The following FUT8 variants were observed in gnomAD, a reference collection of about 807,000 sequenced individuals.
FUT8 encodes the protein fucosyltransferase 8.
A neutral mutation model predicts 71.3 loss-of-function variants in FUT8; 29 were observed. That is an observed-to-expected ratio of 0.41 (90% CI 0.30 to 0.55). The LOEUF (loss-of-function observed/expected upper bound fraction) is 0.55. Among genes scored for constraint, FUT8 ranks in the 20% least tolerant of loss-of-function variants. The pLI is 0.34. For synonymous variants in FUT8, 254 were observed against 239.3 expected, an observed-to-expected ratio of 1.06 and a Z score of -0.57; for missense variants, 544 against 702.1, an observed-to-expected ratio of 0.77 and a Z score of 2.55.
the FUT8 span, among the ~76,000 whole-genome samples, chr14:65,394,645 G>A: frequency 2.0e-5 from 3 of 151,982 alleles, no homozygotes; most frequent in African/African-American, 7.3e-5. Context: ...GATACAATAA[G>A]TTACAGGCAT....
At chr14:65,672,391 A>C (rs976342628) in intron 7 of FUT8, among the ~76,000 whole-genome samples, 4 of 152,210 alleles carry the variant, frequency 2.6e-5, no homozygotes, top group Non-Finnish European at 4.4e-5. Context: ...TGCTTGTGAT[A>C]ATTCAAAATG....
chr14:65,604,014 C>G (rs61987993), intron 3 of FUT8, among the ~76,000 whole-genome samples: 102,674 of 150,336 alleles, frequency 0.68, 35,493 homozygotes, highest in East Asian at 0.82. Flanking sequence ...AGGCCTTGTC[C>G]AACAAGGCCT....
chr14:65,667,276 A>G (rs189457198), intron 6 of FUT8, among the ~76,000 whole-genome samples: 7 of 152,224 alleles, frequency 4.6e-5, no homozygotes, highest in Admixed American at 3.9e-4. Context: ...AGAAAATCCC[A>G]TATTCCCTAC....
Position 65,742,124 on chromosome 14 carries a change from C to T in FUT8, c.1442C>T (p.Thr481Ile). The T allele has an allele frequency of 6.2e-7, 1 of 1,612,814 alleles. No homozygotes were observed. ...VCRVAYEIMQ[T>I]LHPDASANFH... ...CGAGTTGCTTATGAAATTATGCAAACACTACATCCTGATGCCTCTGCAAAC... is the reference window on the plus strand; with the variant it reads ...CGAGTTGCTTATGAAATTATGCAAATACTACATCCTGATGCCTCTGCAAAC... Residue 481 changes from threonine (T) to isoleucine (I), a missense_variant, in exon 11 of 11, where the codon ACA (threonine) becomes ATA (isoleucine). By Grantham distance (89) the Thr-to-Ile change is moderately conservative (BLOSUM62 -1). Coordinates refer to ENST00000673929, the MANE Select transcript of FUT8 (RefSeq NM_001371533.1).
intron 6 of FUT8, among the ~76,000 whole-genome samples, chr14:65,648,325 CTATTCCTTT>C (rs1891209251): frequency 6.6e-6 from 1 of 152,174 alleles, no homozygotes; most frequent in African/African-American, 2.4e-5. Flanking sequence ...CCTGTTCCTT[CTATTCCTTT>C]AGCTATATAT....
At chr14:65,639,166 A>G (rs900663131) in intron 6 of FUT8, among the ~76,000 whole-genome samples, 5 of 152,138 alleles carry the variant, frequency 3.3e-5, no homozygotes, top group Admixed American at 2.0e-4. Context: ...TGGCATGGGT[A>G]GATTTCATGA....
intron 2 of FUT8, among the ~76,000 whole-genome samples, chr14:65,459,223 C>T (rs1279142969): frequency 6.6e-6 from 1 of 152,150 alleles, no homozygotes; most frequent in Non-Finnish European, 1.5e-5. Flanking sequence ...GCTCAGAAGT[C>T]ATGATTTCTT....
chr14:65,475,703 A>C (rs2066227180), intron 2 of FUT8, among the ~76,000 whole-genome samples: 1 of 151,222 alleles, frequency 6.6e-6, no homozygotes, highest in African/African-American at 2.4e-5. Context: ...AGTGAGGCTG[A>C]GCTCTACCAT....
intron 2 of FUT8, among the ~76,000 whole-genome samples, chr14:65,523,320 G>A (rs986726340): frequency 3.3e-5 from 5 of 152,100 alleles, no homozygotes; most frequent in Admixed American, 6.5e-5. Context: ...TTCTCTGATG[G>A]CCAGTGATGA....
intron 1 of FUT8, among the ~76,000 whole-genome samples, chr14:65,421,516 C>G (rs1360598400): frequency 6.6e-6 from 1 of 152,104 alleles, no homozygotes; most frequent in East Asian, 1.9e-4. Context: ...GTTTCAGTGC[C>G]CATATCAGAG....
intron 1 of FUT8, among the ~76,000 whole-genome samples, chr14:65,423,330 C>G (rs1054129874): frequency 6.7e-6 from 1 of 148,992 alleles, no homozygotes; most frequent in Non-Finnish European, 1.5e-5. Flanking sequence ...GGCGCAATCT[C>G]TGCTCACTGC....
At chr14:65,551,569 A>T (rs1885284722) in intron 2 of FUT8, among the ~76,000 whole-genome samples, 1 of 152,206 alleles carries the variant, frequency 6.6e-6, no homozygotes, top group African/African-American at 2.4e-5. Context: ...CAAATTAGTG[A>T]TAGTAAATAA....
At chr14:65,477,462 T>G (rs1054497548) in intron 2 of FUT8, among the ~76,000 whole-genome samples, 1 of 152,218 alleles carries the variant, frequency 6.6e-6, no homozygotes, top group African/African-American at 2.4e-5. Flanking sequence ...ATTGAGCATA[T>G]ATTTTTGCAT....
intron 7 of FUT8, among the ~76,000 whole-genome samples, chr14:65,710,263 A>G (rs1312705454): frequency 2.0e-5 from 3 of 152,216 alleles, no homozygotes; most frequent in African/African-American, 7.2e-5. Context: ...CATATGGTAC[A>G]TGGATATAAA....
intron 6 of FUT8, among the ~76,000 whole-genome samples, chr14:65,650,885 A>G (rs1481331544): frequency 6.6e-6 from 1 of 152,074 alleles, no homozygotes; most frequent in Admixed American, 6.5e-5. Flanking sequence ...AATGATATCT[A>G]TCCAGTTGCA....
intron 3 of FUT8, among the ~76,000 whole-genome samples, chr14:65,601,777 A>T (rs1161259053): frequency 3.9e-5 from 6 of 152,104 alleles, no homozygotes; most frequent in Non-Finnish European, 8.8e-5. Context: ...GCAACTACTT[A>T]TTTTTTATCT....
At chr14:65,397,049 T>C in the FUT8 span, among the ~76,000 whole-genome samples, 1 of 152,168 alleles carries the variant, frequency 6.6e-6, no homozygotes. The surrounding 1 kb of genome is among the most constrained non-coding windows in gnomAD (Gnocchi z 4.2). Context: ...CCAATGCCTA[T>C]AGGGTTGCTC....
At chr14:65,725,716 T>C (rs1895650284) in intron 9 of FUT8, among the ~76,000 whole-genome samples, 1 of 152,220 alleles carries the variant, frequency 6.6e-6, no homozygotes, top group South Asian at 2.1e-4. Flanking sequence ...CAGTAAATAT[T>C]AAATGGTATT....
At chr14:65,382,636 G>A in the FUT8 span, among the ~76,000 whole-genome samples, 4 of 152,090 alleles carry the variant, frequency 2.6e-5, no homozygotes, top group African/African-American at 4.8e-5. Context: ...CACCGTGCTC[G>A]GCCAGTTACA....
Sources: allele counts gnomAD v4.1 joint callset (sites outside exome capture counted in the v4.1 genomes callset), GRCh38; gene constraint gnomAD v4.1.1; non-coding constraint Gnocchi (gnomAD v3.1); transcripts MANE v1.5; gene names NCBI Gene and HGNC (gene_info 2026-07-23, HGNC 2026-07-21).